Variants in LIPK observed in about 807,000 individuals in gnomAD.
LIPK encodes lipase member K.
In LIPK, 32 loss-of-function variants were observed where a neutral mutation model predicts 48.6. The observed-to-expected ratio is 0.66, with a 90% CI of 0.50 to 0.88. The LOEUF (loss-of-function observed/expected upper bound fraction) is 0.88, where lower values mean the gene tolerates loss of function less well. Ranked by LOEUF, LIPK falls within the 40% of genes least tolerant of loss-of-function variation. The pLI is 0.00. For synonymous variants in LIPK, 164 were observed against 157.4 expected, an observed-to-expected ratio of 1.04 and a Z score of -0.32; for missense variants, 507 against 478.5, an observed-to-expected ratio of 1.06 and a Z score of -0.56.
At chr10:88,728,376 G>GGAAGGCTGA (rs1333765524) in intron 3 of LIPK, 4 of 188,480 alleles carry the variant, frequency 2.1e-5, no homozygotes, top group Non-Finnish European at 1.1e-5. Context: ...GCCTTGGCTG[G>GGAAGGCTGA]GAAGGCTGAG....
chr10:88,728,604 G>T, intron 3 of LIPK: 1 of 478,458 alleles, frequency 2.1e-6, no homozygotes, highest in South Asian at 1.6e-5. Flanking sequence ...GCTGATGAAT[G>T]TCAAGCTGGC....
Position 88,740,176 on chromosome 10 carries a change from T to C in LIPK, c.888+109T>C, listed in dbSNP as rs1842653119. 8.3e-6 allele frequency: 5 copies of C among 603,082 alleles called. No individual in the cohort carries two copies. In the South Asian group the frequency reaches 8.5e-5, roughly 10 times the overall value. 37.4% of individuals were successfully genotyped at this position (603,082 alleles called of 1,614,324 possible). A position where few individuals can be genotyped will look rare whatever the true frequency, so the allele number is the denominator to read the frequency against. On this transcript the variant is annotated intron_variant, in intron 8 of 9. Coordinates refer to ENST00000404190, the MANE Select transcript of LIPK (RefSeq NM_001080518.2). ...TCTGCTGGCACCTGCCACTGCCACATTGATGTTTTTGGAATCAGCATCAAC... is the reference window on the plus strand; with the variant it reads ...TCTGCTGGCACCTGCCACTGCCACACTGATGTTTTTGGAATCAGCATCAAC...
chr10:88,752,001 T>C lies in LIPK; in HGVS notation c.961-516T>C, dbSNP rs75854608. On this transcript the variant is annotated intron_variant, in intron 9 of 9. Transcript: ENST00000404190. ...TAAGGGAAAACTTGCTGAGAGTTTA[T>C]AGAGTGCTATAGCCACTCTAGTTAT... Among the ~76,000 whole-genome samples the C allele has an allele frequency of 5.4e-3, 816 of 152,298 alleles. 8 individuals are homozygous for C. The highest frequency in any genetic ancestry group is 0.024 in the Middle Eastern group (7 of 294).
chr10:88,750,703 T>C (rs1842848504), intron 9 of LIPK, among the ~76,000 whole-genome samples: 1 of 152,208 alleles, frequency 6.6e-6, no homozygotes, highest in South Asian at 2.1e-4. Flanking sequence ...TTGGGTACTG[T>C]GCTCATTACC....
chr10:88,741,505 C>T (rs780025971), intron 8 of LIPK, among the ~76,000 whole-genome samples: 1 of 152,182 alleles, frequency 6.6e-6, no homozygotes, highest in Non-Finnish European at 1.5e-5. Flanking sequence ...GGATTACAGG[C>T]GTGAGCACTG....
intron 1 of LIPK, among the ~76,000 whole-genome samples, chr10:88,716,430 T>C (rs1842120386): frequency 6.9e-6 from 1 of 144,850 alleles, no homozygotes; most frequent in African/African-American, 2.6e-5. Context: ...CGATCTCGGT[T>C]CACTGCAACC....
Position 88,706,292 on chromosome 10 carries a change from G to A in LIPK, c.-40G>A, listed in dbSNP as rs1841933909. Among the ~76,000 whole-genome samples, 1 of 152,180 alleles carries A rather than the reference G, an allele frequency of 6.6e-6. No individual in the cohort carries two copies. Among genetic ancestry groups the A allele is most frequent in the South Asian group, 2.1e-4 (1 of 4,832 alleles). Reference sequence around the variant, plus strand: ...AATGCACCTGAAGCTCCCAGGACTTGAAGACAGACCTCCAAAGACTTGGAT... The same window carrying A: ...AATGCACCTGAAGCTCCCAGGACTTAAAGACAGACCTCCAAAGACTTGGAT... On this transcript the variant is annotated 5_prime_UTR_variant, in exon 1 of 10. Coordinates refer to ENST00000404190, the MANE Select transcript of LIPK (RefSeq NM_001080518.2).
At chr10:88,712,677 CT>C (rs1326552048) in intron 1 of LIPK, among the ~76,000 whole-genome samples, 5 of 152,220 alleles carry the variant, frequency 3.3e-5, no homozygotes, top group African/African-American at 1.2e-4. Flanking sequence ...CTAATTATAG[CT>C]TTTGCAGGGA....
At position 88,748,627 on chromosome 10, in the gene LIPK, A is replaced by T. The variant is rs532955321; in HGVS notation, c.961-3890A>T. On this transcript the variant is annotated intron_variant, in intron 9 of 9. Transcript: ENST00000404190. ...GCAAGACTCCGTCTCAAAAAAAAAA[A>T]AAAAAGAAAACAATAATAATATTAA... is the stretch of plus-strand genomic sequence containing the variant. Among the ~76,000 whole-genome samples, 31 of 152,020 alleles carry T rather than the reference A, an allele frequency of 2.0e-4. No individual in the cohort carries two copies. The East Asian group carries it at 4.5e-3, about 22-fold the overall frequency.
intron 6 of LIPK, among the ~76,000 whole-genome samples, chr10:88,733,019 T>A (rs1842499189): frequency 6.6e-6 from 1 of 152,230 alleles, no homozygotes; most frequent in Non-Finnish European, 1.5e-5. Flanking sequence ...TAGTTCTTAC[T>A]CATAGGGCTA....
At chr10:88,734,900 T>C (rs565476711) in intron 6 of LIPK, among the ~76,000 whole-genome samples, 1 of 152,354 alleles carries the variant, frequency 6.6e-6, no homozygotes, top group African/African-American at 2.4e-5. Flanking sequence ...ATCAGCCAGA[T>C]GCTCGCAGGC....
chr10:88,716,513 A>C (rs1323284537), intron 1 of LIPK, among the ~76,000 whole-genome samples: 1 of 151,914 alleles, frequency 6.6e-6, no homozygotes, highest in Non-Finnish European at 1.5e-5. Context: ...GTGTGCCACC[A>C]CAACTGGCTA....
chr10:88,737,815 T>A, intron 7 of LIPK, 34 bp downstream of exon 7: 1 of 1,609,412 alleles, frequency 6.2e-7, no homozygotes, highest in Non-Finnish European at 8.5e-7. Flanking sequence ...GGAAAACATT[T>A]GTTTTGTTGC....
At position 88,748,616 on chromosome 10, in the gene LIPK, C is replaced by CA. The variant is rs56692405; in HGVS notation, c.961-3885dup. Among the ~76,000 whole-genome samples the CA allele has an allele frequency of 5.8e-3, 622 of 106,462 alleles. 3 individuals carry two copies. The highest frequency in any genetic ancestry group is 0.012 in the African/African-American group (350 of 29,358). The allele number at this position is 106,462 out of a possible 152,430, so 69.8% of individuals were successfully genotyped here. A position where few individuals can be genotyped will look rare whatever the true frequency, so the allele number is the denominator to read the frequency against. ...TAAGTGACAGAGCAAGACTCCGTCT[C>CA]AAAAAAAAAAAAAAAAGAAAACAAT... On this transcript the variant is annotated intron_variant, in intron 9 of 9. Coordinates refer to ENST00000404190, the MANE Select transcript of LIPK (RefSeq NM_001080518.2).
intron 1 of LIPK, among the ~76,000 whole-genome samples, chr10:88,720,704 GC>G (rs1200350228): frequency 1.0e-5 from 1 of 97,796 alleles, no homozygotes; most frequent in Non-Finnish European, 1.9e-5. Context: ...GAATATCCAA[GC>G]AAGTTTTATG....
rs1422752908 is a variant in LIPK at position 88,724,662 on chromosome 10, TC to T, written c.105+15del. The T allele has an allele frequency of 2.8e-6, 4 of 1,439,078 alleles. No homozygotes were observed. The highest frequency in any genetic ancestry group is 2.5e-5 in the Admixed American group (1 of 39,222). The allele number at this position is 1,439,078 out of a possible 1,614,324, so 89.1% of individuals were successfully genotyped here. ...AATATGAATATTGTAAGTCATTTAT[TC>T]AGAAAAAAATGCTAAAATAAGGAAT... On this transcript the variant is annotated intron_variant, in intron 2 of 9. Transcript: ENST00000404190.
chr10:88,752,493 C>T (rs1385121721), intron 9 of LIPK, 24 bp from the exon 10 acceptor site: 43 of 1,502,668 alleles, frequency 2.9e-5, no homozygotes, highest in East Asian at 1.5e-4. Flanking sequence ...AAAAACTTTT[C>T]TCTCTCTCTT....
intron 9 of LIPK, among the ~76,000 whole-genome samples, chr10:88,746,671 G>T (rs1377391199): frequency 2.0e-5 from 3 of 152,126 alleles, no homozygotes; most frequent in Non-Finnish European, 4.4e-5. Context: ...AAGTTAGAAA[G>T]ATCTCAAATT....
chr10:88,707,088 A>T (rs1841949814), intron 1 of LIPK, among the ~76,000 whole-genome samples: 1 of 152,066 alleles, frequency 6.6e-6, no homozygotes, highest in Non-Finnish European at 1.5e-5. Context: ...TCAAAGCCAA[A>T]CTGTTATTTT....
Sources: gnomAD v4.1 joint callset for allele counts (sites outside exome capture counted in the v4.1 genomes callset) on GRCh38, gnomAD v4.1.1 for gene constraint, MANE v1.5 for transcripts, NCBI Gene and HGNC (gene_info 2026-07-23, HGNC 2026-07-21) for gene names.